The following KCNH7 variants were observed in gnomAD, a reference collection of about 807,000 sequenced individuals.
KCNH7 encodes potassium voltage-gated channel subfamily H member 7, also known as voltage-gated inwardly rectifying potassium channel KCNH7.
Under a neutral mutation model 120.8 loss-of-function variants are expected in KCNH7, and 49 were observed. The observed-to-expected ratio is 0.41, with a 90% confidence interval of 0.32 to 0.51. KCNH7 has a LOEUF of 0.51. KCNH7 is among the 20% of genes least tolerant of loss of function. The pLI, the probability that KCNH7 is intolerant of heterozygous loss-of-function variation, is 0.38. For missense variants in KCNH7, 1,097 were observed against 1,446.6 expected (o/e 0.76, Z 3.92); for synonymous variants, 547 against 516.1 (o/e 1.06, Z -0.81).
intron 8 of KCNH7, among the ~76,000 whole-genome samples, chr2:162,426,297 A>ATTTTAAATTAT (rs2105498353): frequency 6.6e-6 from 1 of 152,150 alleles, no homozygotes; most frequent in South Asian, 2.1e-4. Flanking sequence ...TATCATAAAG[A>ATTTTAAATTAT]CATTAATCTT....
rs1249940458 is a variant in KCNH7 at position 162,423,374 on chromosome 2, G to A, written c.2116C>T (p.His706Tyr). The change falls in exon 9 of 16, where the codon CAC (histidine) becomes TAC (tyrosine). Residue 706 changes from histidine (H) to tyrosine (Y), a missense_variant. His to Tyr is a moderately conservative substitution (Grantham distance 83). Coordinates refer to ENST00000332142, the MANE Select transcript of KCNH7 (RefSeq NM_033272.4). ...LRQRLEEYFQ[H>Y]AWTYTNGIDM... ...ATGCCATTGGTGTAAGTCCATGCGT[G>A]CTGGAAATATTCTTCAAGACGTTGC... 8 of 1,614,112 alleles carry A rather than the reference G, an allele frequency of 5.0e-6. No individual in the cohort carries two copies. Among genetic ancestry groups the A allele is most frequent in the Non-Finnish European group, 6.8e-6 (8 of 1,179,966 alleles).
rs564638582 is a variant in KCNH7 at position 162,619,145 on chromosome 2, C to CT, written c.308-82066dup. On this transcript the variant is annotated intron_variant, in intron 2 of 15. Transcript: ENST00000332142. ...TCATCAATTGTGTGTCAGAGCTGTG[C>CT]TAGGCTATTCAGCCACTAACCGTGG... Among the ~76,000 whole-genome samples the CT allele has an allele frequency of 3.1e-3, 468 of 152,142 alleles. 2 individuals are homozygous for CT. Among genetic ancestry groups the CT allele is most frequent in the African/African-American group, 0.011 (446 of 41,522 alleles).
intron 2 of KCNH7, among the ~76,000 whole-genome samples, chr2:162,667,398 C>A (rs2105289424): frequency 6.6e-6 from 1 of 152,250 alleles, no homozygotes; most frequent in Non-Finnish European, 1.5e-5. Flanking sequence ...ATGTATAAAG[C>A]ACTCTAGTGG....
intron 2 of KCNH7, among the ~76,000 whole-genome samples, chr2:162,574,923 G>A (rs1408137470): frequency 6.6e-6 from 1 of 152,094 alleles, no homozygotes; most frequent in African/African-American, 2.4e-5. Flanking sequence ...CAGGTGGAAT[G>A]CTAAATGCTC....
At chr2:162,433,581 G>T (rs1015779422) in intron 8 of KCNH7, among the ~76,000 whole-genome samples, 1 of 152,076 alleles carries the variant, frequency 6.6e-6, no homozygotes, top group Non-Finnish European at 1.5e-5. Flanking sequence ...GCCATATGCA[G>T]AAGTGCTGAA....
At chr2:162,606,424 A>G (rs1257355631) in intron 2 of KCNH7, among the ~76,000 whole-genome samples, 1 of 152,206 alleles carries the variant, frequency 6.6e-6, no homozygotes, top group African/African-American at 2.4e-5. Flanking sequence ...GCAGTAAATG[A>G]AAAGTTGATT....
chr2:162,591,520 C>T (rs1257440804), intron 2 of KCNH7, among the ~76,000 whole-genome samples: 7 of 152,068 alleles, frequency 4.6e-5, no homozygotes, highest in South Asian at 4.1e-4. Flanking sequence ...AAACAGACCC[C>T]ATGCAAGGGA....
intron 6 of KCNH7, among the ~76,000 whole-genome samples, chr2:162,451,215 A>G (rs769460461): frequency 1.3e-5 from 2 of 152,040 alleles, no homozygotes; most frequent in Admixed American, 6.6e-5. Context: ...ACCATATAAC[A>G]TCAGATATTT....
intron 2 of KCNH7, among the ~76,000 whole-genome samples, chr2:162,741,131 T>C (rs1015358292): frequency 2.6e-5 from 4 of 151,868 alleles, no homozygotes; most frequent in African/African-American, 9.7e-5. Flanking sequence ...TGGAGAGGGG[T>C]ATTTAGTTTC....
chr2:162,616,617 T>C (rs1454321387), intron 2 of KCNH7, among the ~76,000 whole-genome samples: 3 of 152,136 alleles, frequency 2.0e-5, no homozygotes, highest in African/African-American at 7.2e-5. Flanking sequence ...TTTATAAAAT[T>C]TGTCACTGGT....
At chr2:162,794,726 G>A (rs544106995) in intron 2 of KCNH7, among the ~76,000 whole-genome samples, 2 of 152,058 alleles carry the variant, frequency 1.3e-5, no homozygotes, top group East Asian at 3.9e-4. Context: ...GGCTTACTAA[G>A]CCAATTTTTA....
chr2:162,625,722 C>T lies in KCNH7; in HGVS notation c.308-88642G>A, dbSNP rs76029883. ...AGGTAGGATAATGGGTAGAAAGAGCCGCAGCGTTGGGGATTACATTGTATA... is the reference window on the plus strand; with the variant it reads ...AGGTAGGATAATGGGTAGAAAGAGCTGCAGCGTTGGGGATTACATTGTATA... On this transcript the variant is annotated intron_variant, in intron 2 of 15. Transcript: ENST00000332142. 4.6e-3 allele frequency among the ~76,000 whole-genome samples: 703 copies of T among 152,072 alleles called. 7 individuals carry two copies. Among genetic ancestry groups the T allele is most frequent in the African/African-American group, 0.016 (661 of 41,464 alleles).
At chr2:162,561,881 A>G (rs1693081718) in intron 2 of KCNH7, among the ~76,000 whole-genome samples, 1 of 152,214 alleles carries the variant, frequency 6.6e-6, no homozygotes, top group African/African-American at 2.4e-5. Context: ...CTATGCAGCC[A>G]TAAAAAGGAT....
intron 2 of KCNH7, among the ~76,000 whole-genome samples, chr2:162,647,578 G>A (rs1013127924): frequency 6.6e-6 from 1 of 152,154 alleles, no homozygotes; most frequent in African/African-American, 2.4e-5. Flanking sequence ...CCCCCATACT[G>A]TTCTCGTGGT....
chr2:162,671,636 A>G (rs887290069), intron 2 of KCNH7, among the ~76,000 whole-genome samples: 2 of 152,092 alleles, frequency 1.3e-5, no homozygotes, highest in African/African-American at 4.8e-5. Context: ...GGTTGTGGGT[A>G]CACTAAAAAC....
chr2:162,588,397 T>C (rs369724305), intron 2 of KCNH7, among the ~76,000 whole-genome samples: 1 of 152,124 alleles, frequency 6.6e-6, no homozygotes, highest in South Asian at 2.1e-4. Context: ...TTTTTTACTA[T>C]TAACTGATTA....
chr2:162,448,412 G>C (rs1014955743), intron 6 of KCNH7, among the ~76,000 whole-genome samples: 1 of 151,972 alleles, frequency 6.6e-6, no homozygotes, highest in African/African-American at 2.4e-5. Context: ...CATCTTTCTA[G>C]TCCTTTCTTC....
At chr2:162,415,465 T>C (rs561384905) in intron 9 of KCNH7, among the ~76,000 whole-genome samples, 1 of 152,158 alleles carries the variant, frequency 6.6e-6, no homozygotes, top group Non-Finnish European at 1.5e-5. Context: ...TAGGGTGTTG[T>C]CTGTAAGTGA....
intron 2 of KCNH7, among the ~76,000 whole-genome samples, chr2:162,724,473 C>A (rs1687443876): frequency 6.6e-6 from 1 of 151,460 alleles, no homozygotes; most frequent in African/African-American, 2.4e-5. Flanking sequence ...GAGATTGAGA[C>A]CATCCCGGCT....
Sources: allele counts gnomAD v4.1 joint callset (sites outside exome capture counted in the v4.1 genomes callset), GRCh38; gene constraint gnomAD v4.1.1; transcripts MANE v1.5; gene names NCBI Gene and HGNC (gene_info 2026-07-23, HGNC 2026-07-21).